The following CADPS variants were observed in gnomAD, a reference collection of about 807,000 sequenced individuals.
CADPS encodes calcium dependent secretion activator.
A neutral mutation model predicts 167.3 loss-of-function variants in CADPS; 57 were observed. That is an observed-to-expected ratio of 0.34 (90% confidence interval 0.28 to 0.42). CADPS has a LOEUF of 0.42. Ranked by LOEUF, CADPS falls within the 20% of genes least tolerant of loss-of-function variation. The probability of loss-of-function intolerance (pLI) is 1.00; values close to 1 mark genes in which losing one functional copy is unlikely to be tolerated. For missense variants in CADPS, 1,414 were observed against 1,738.1 expected, an observed-to-expected ratio of 0.81 and a Z score of 3.32; for synonymous variants, 676 against 635.3, an observed-to-expected ratio of 1.06 and a Z score of -0.96.
chr3:62,814,454 C>G (rs1373362275), intron 1 of CADPS: 1 of 152,098 alleles, frequency 6.6e-6, no homozygotes, highest in Non-Finnish European at 1.5e-5. Flanking sequence ...AGCCCCTAGG[C>G]AAGGATGACA....
chr3:62,569,859 T>A (rs1250860272), intron 9 of CADPS, among the ~76,000 whole-genome samples: 1 of 152,124 alleles, frequency 6.6e-6, no homozygotes, highest in Non-Finnish European at 1.5e-5. Context: ...AAACAGGCAC[T>A]GGAAAACTTT....
chr3:62,632,577 C>T (rs1471424161), intron 6 of CADPS, among the ~76,000 whole-genome samples: 1 of 152,110 alleles, frequency 6.6e-6, no homozygotes, highest in African/African-American at 2.4e-5. Context: ...TGAAAGACTT[C>T]AAGTACCCAA....
intron 1 of CADPS, among the ~76,000 whole-genome samples, chr3:62,869,657 T>C (rs2082278816): frequency 6.6e-6 from 1 of 152,170 alleles, no homozygotes; most frequent in Non-Finnish European, 1.5e-5. Flanking sequence ...TTATTCAGCT[T>C]ATTTGACATA....
At chr3:62,663,805 C>T (rs1198803722) in intron 3 of CADPS, among the ~76,000 whole-genome samples, 7 of 152,080 alleles carry the variant, frequency 4.6e-5, no homozygotes, top group Non-Finnish European at 8.8e-5. Flanking sequence ...ACATTTTAAT[C>T]ACCCTGTTCA....
chr3:62,413,676 T>A (rs1016182244), intron 28 of CADPS, among the ~76,000 whole-genome samples: 1 of 152,130 alleles, frequency 6.6e-6, no homozygotes, highest in Admixed American at 6.5e-5. Flanking sequence ...CGTCTACAGA[T>A]CGGTTGCATA....
chr3:62,839,590 TGG>T (rs1358077593), intron 1 of CADPS, among the ~76,000 whole-genome samples: 1 of 152,142 alleles, frequency 6.6e-6, no homozygotes, highest in Non-Finnish European at 1.5e-5. Context: ...CTGAATGCCT[TGG>T]TGAGGAGCTA....
At position 62,599,858 on chromosome 3, in the gene CADPS, TATA is replaced by T. The variant is rs1262237247; in HGVS notation, c.1326-7113_1326-7111del. 2.6e-4 allele frequency among the ~76,000 whole-genome samples: 17 copies of T among 65,054 alleles called. No homozygotes were observed. In the East Asian group the frequency reaches 4.2e-3, roughly 16 times the overall value. 42.7% of individuals were successfully genotyped at this position (65,054 alleles called of 152,430 possible). A position where few individuals can be genotyped will look rare whatever the true frequency, so the allele number is the denominator to read the frequency against. ...TAATATATTATATATATATAATATA[TATA>T]ATATATAATAATATATAATATATAT... is the stretch of plus-strand genomic sequence containing the variant. On this transcript the variant is annotated intron_variant, in intron 6 of 29. Coordinates refer to ENST00000383710, the MANE Select transcript of CADPS (RefSeq NM_003716.4).
At chr3:62,867,209 G>A (rs1212486337) in intron 1 of CADPS, among the ~76,000 whole-genome samples, 1 of 151,906 alleles carries the variant, frequency 6.6e-6, no homozygotes, top group East Asian at 1.9e-4. Flanking sequence ...AAAAATATTA[G>A]GACTTGAAAA....
intron 6 of CADPS, among the ~76,000 whole-genome samples, chr3:62,635,048 C>T (rs1162002374): frequency 6.6e-6 from 1 of 152,192 alleles, no homozygotes; most frequent in Non-Finnish European, 1.5e-5. Flanking sequence ...AAAAATTACA[C>T]ACTAAGTTCT....
chr3:62,766,870 T>C (rs1014006537), intron 1 of CADPS, among the ~76,000 whole-genome samples: 5 of 152,160 alleles, frequency 3.3e-5, no homozygotes, highest in African/African-American at 1.2e-4. Flanking sequence ...CACAGCACAG[T>C]GTTTGTTTAA....
intron 13 of CADPS, among the ~76,000 whole-genome samples, chr3:62,528,342 G>C (rs1035684717): frequency 5.3e-5 from 8 of 151,934 alleles, no homozygotes; most frequent in African/African-American, 9.7e-5. Flanking sequence ...ATTGGGTGAG[G>C]GTAATAACGA....
At chr3:62,863,026 T>C (rs2081086112) in intron 1 of CADPS, among the ~76,000 whole-genome samples, 1 of 152,256 alleles carries the variant, frequency 6.6e-6, no homozygotes, top group African/African-American at 2.4e-5. Flanking sequence ...GAATATATAT[T>C]ACTATTCTGA....
chr3:62,620,693 G>C (rs2063042438), intron 6 of CADPS, among the ~76,000 whole-genome samples: 1 of 152,176 alleles, frequency 6.6e-6, no homozygotes, highest in African/African-American at 2.4e-5. Flanking sequence ...TGAAAAACCT[G>C]TGCTAGTATA....
chr3:62,633,291 A>C (rs963425206), intron 6 of CADPS, among the ~76,000 whole-genome samples: 2 of 152,134 alleles, frequency 1.3e-5, no homozygotes, highest in South Asian at 4.1e-4. Flanking sequence ...TGACAGCCAC[A>C]GCCTCCCAAC....
intron 26 of CADPS, among the ~76,000 whole-genome samples, chr3:62,460,190 T>C (rs1333014103): frequency 1.3e-5 from 2 of 152,198 alleles, no homozygotes; most frequent in Non-Finnish European, 2.9e-5. Context: ...TTGCATAGAC[T>C]GATTGTGAGG....
intron 13 of CADPS, among the ~76,000 whole-genome samples, chr3:62,530,089 C>T (rs1371920578): frequency 6.6e-6 from 1 of 151,998 alleles, no homozygotes; most frequent in East Asian, 1.9e-4. Context: ...TAAAGGTGAC[C>T]TCAGTATATA....
At position 62,874,383 on chromosome 3, in the gene CADPS, A is replaced by T. The variant is rs2083260323; in HGVS notation, c.441+206T>A. On this transcript the variant is annotated intron_variant, in intron 1 of 29. Coordinates refer to ENST00000383710, the MANE Select transcript of CADPS (RefSeq NM_003716.4). The surrounding 1 kb of genome is among the most constrained non-coding windows in gnomAD (Gnocchi z 7.1). ...GCGCTCCGCGGCCCTCGCCGGTCCC[A>T]GTCAGCTCCAGGAGCGCTCCAGGCT... 6.6e-6 allele frequency among the ~76,000 whole-genome samples: 1 copy of T among 152,022 alleles called. No homozygotes were observed. The highest frequency in any genetic ancestry group is 1.5e-5 in the Non-Finnish European group (1 of 68,000).
intron 1 of CADPS, among the ~76,000 whole-genome samples, chr3:62,768,175 T>C (rs1391441034): frequency 6.6e-6 from 1 of 152,204 alleles, no homozygotes; most frequent in African/African-American, 2.4e-5. Flanking sequence ...CCATTTGAAC[T>C]GAAATATTAG....
chr3:62,730,419 G>A (rs889791168), intron 3 of CADPS, among the ~76,000 whole-genome samples: 2 of 152,148 alleles, frequency 1.3e-5, no homozygotes, highest in Non-Finnish European at 2.9e-5. Context: ...AAAGATTTGG[G>A]TAGTATTCTA....
Sources: allele counts gnomAD v4.1 joint callset (sites outside exome capture counted in the v4.1 genomes callset), GRCh38; gene constraint gnomAD v4.1.1; non-coding constraint Gnocchi (gnomAD v3.1); transcripts MANE v1.5; gene names NCBI Gene and HGNC (gene_info 2026-07-23, HGNC 2026-07-21).